Variants in ST3GAL4 observed in about 807,000 individuals in gnomAD.
ST3GAL4 encodes ST3 beta-galactoside alpha-2,3-sialyltransferase 4, also known as CMP-N-acetylneuraminate-beta-galactosamide-alpha-2,3-sialyltransferase 4.
In ST3GAL4, 24 loss-of-function variants were observed where a neutral mutation model predicts 42.6. The observed-to-expected ratio is 0.56, with a 90% CI of 0.41 to 0.79. The LOEUF (loss-of-function observed/expected upper bound fraction) is 0.79, where lower values mean the gene tolerates loss of function less well. ST3GAL4 is among the 30% of genes least tolerant of loss of function. The pLI, the probability that ST3GAL4 is intolerant of heterozygous loss-of-function variation, is 0.00. For synonymous variants in ST3GAL4, 135 were observed against 163.2 expected, an observed-to-expected ratio of 0.83 and a Z score of 1.32; for missense variants, 311 against 430.8, an observed-to-expected ratio of 0.72 and a Z score of 2.46.
At chr11:126,370,708 G>C (rs1397877775) in intron 1 of ST3GAL4, among the ~76,000 whole-genome samples, 1 of 146,848 alleles carries the variant, frequency 6.8e-6, no homozygotes, top group Non-Finnish European at 1.5e-5. Flanking sequence ...ATGGAGACTC[G>C]CTCTGTCACC....
chr11:126,408,304 C>T lies in ST3GAL4; in HGVS notation c.438-3C>T, dbSNP rs1954357430. 6.2e-7 allele frequency: 1 copy of T among 1,613,740 alleles called. No individual in the cohort carries two copies. Among genetic ancestry groups the T allele is most frequent in the African/African-American group, 1.3e-5 (1 of 74,928 alleles). ...TGATGGGAATCCTCCTCCCAACCCC[C>T]AGATTGAACAATGCCCCAGTGGCTG... On this transcript the variant is annotated splice_region_variant and splice_polypyrimidine_tract_variant and intron_variant, in intron 7 of 10. Transcript: ENST00000444328.
rs1204937928 is a variant in ST3GAL4 at position 126,373,457 on chromosome 11, T to G, written c.-61+17615T>G. Among the ~76,000 whole-genome samples, 1 of 152,188 alleles carries G rather than the reference T, an allele frequency of 6.6e-6. No individual in the cohort carries two copies. Among genetic ancestry groups the G allele is most frequent in the Non-Finnish European group, 1.5e-5 (1 of 68,036 alleles). On this transcript the variant is annotated intron_variant, in intron 1 of 10. Transcript: ENST00000444328. This position sits in a 1 kb window ranked among gnomAD's most constrained non-coding sequence, Gnocchi z 5.5. ...CCTCCTCACACTGGCTTCAGCTTTC[T>G]CACCCTCAGAATGGAATTCAAAGCC...
At chr11:126,405,945 T>G in intron 1 of ST3GAL4, 151 bp from the exon 2 acceptor site, 16 of 906,118 alleles carry the variant, frequency 1.8e-5, no homozygotes, top group Non-Finnish European at 2.5e-5. Flanking sequence ...GGATCCTGGA[T>G]GAGAAAACTC....
Position 126,365,715 on chromosome 11 carries a change from T to C in ST3GAL4, c.-61+9873T>C, listed in dbSNP as rs192055517. On this transcript the variant is annotated intron_variant, in intron 1 of 10. Coordinates refer to ENST00000444328, the MANE Select transcript of ST3GAL4 (RefSeq NM_001254757.2). ...AGCCCAGAAAGTGTGAGCAGGCTGG[T>C]GGGGCAGCTGGAGGAAGGCCTTGCA... Among the ~76,000 whole-genome samples, 1,306 of 152,182 alleles carry C rather than the reference T, an allele frequency of 8.6e-3. 21 individuals are homozygous for C. The highest frequency in any genetic ancestry group is 0.026 in the African/African-American group (1,089 of 41,480).
chr11:126,404,965 T>C (rs1229092066), intron 1 of ST3GAL4, among the ~76,000 whole-genome samples: 4 of 152,196 alleles, frequency 2.6e-5, no homozygotes, highest in Non-Finnish European at 5.9e-5. Flanking sequence ...TATGAAAACA[T>C]GGAAAGTTTC....
intron 9 of ST3GAL4, 174 bp from the exon 10 acceptor site, chr11:126,413,331 T>C: frequency 1.7e-6 from 1 of 592,846 alleles, no homozygotes; most frequent in South Asian, 3.0e-5. Context: ...TAAATTCAGT[T>C]CCTCAGCTGC....
chr11:126,408,543 C>T (rs1398754576), intron 8 of ST3GAL4, 47 bp downstream of exon 8: 1 of 1,601,946 alleles, frequency 6.2e-7, no homozygotes, highest in East Asian at 2.2e-5. Context: ...GGTGGGGACG[C>T]TGCCCGAGTC....
chr11:126,389,106 C>T (rs2135473978), intron 1 of ST3GAL4, among the ~76,000 whole-genome samples: 1 of 152,248 alleles, frequency 6.6e-6, no homozygotes, highest in Admixed American at 6.5e-5. Flanking sequence ...TTTCATTTGT[C>T]TTCTCTCTAC....
At position 126,384,512 on chromosome 11, in the gene ST3GAL4, C is replaced by T. The variant is rs576474889; in HGVS notation, c.-60-21584C>T. On this transcript the variant is annotated intron_variant, in intron 1 of 10. Coordinates refer to ENST00000444328, the MANE Select transcript of ST3GAL4 (RefSeq NM_001254757.2). This position sits in a 1 kb window ranked among gnomAD's most constrained non-coding sequence, Gnocchi z 5.5. ...GGAAGTGGACTCTGCTCAGGTGTGGCGGGCCTGCCTGTGGGGTCACCATGG... is the reference window on the plus strand; with the variant it reads ...GGAAGTGGACTCTGCTCAGGTGTGGTGGGCCTGCCTGTGGGGTCACCATGG... Among the ~76,000 whole-genome samples the T allele has an allele frequency of 3.0e-3, 460 of 152,168 alleles. 6 individuals are homozygous for T. Among genetic ancestry groups the T allele is most frequent in the Admixed American group, 9.8e-4 (15 of 15,278 alleles).
In ST3GAL4 at chr11:126,373,017, G is replaced by T. The variant is rs3862628; in HGVS notation, c.-61+17175G>T. Among the ~76,000 whole-genome samples the T allele has an allele frequency of 1.3e-5, 2 of 152,024 alleles. No individual in the cohort carries two copies. The highest frequency in any genetic ancestry group is 1.5e-5 in the Non-Finnish European group (1 of 67,992). ...CTTCCATGTTTTTTCTCATTGTTTC[G>T]TGGGAATACTGATATTATATATTCA... On this transcript the variant is annotated intron_variant, in intron 1 of 10. Transcript: ENST00000444328. The surrounding 1 kb of genome is among the most constrained non-coding windows in gnomAD (Gnocchi z 5.5).
At position 126,386,837 on chromosome 11, in the gene ST3GAL4, T is replaced by A. The variant is rs1000612225; in HGVS notation, c.-60-19259T>A. On this transcript the variant is annotated intron_variant, in intron 1 of 10. Coordinates refer to ENST00000444328, the MANE Select transcript of ST3GAL4 (RefSeq NM_001254757.2). The surrounding 1 kb of genome is among the most constrained non-coding windows in gnomAD (Gnocchi z 4.7). The stretch of plus-strand genomic sequence containing the variant: ...GAGGAGAGGAGGAAGTTAGCTGCTC[T>A]GAATGGTGTTGCTGCTAATCTCTAC... Among the ~76,000 whole-genome samples the A allele has an allele frequency of 2.0e-5, 3 of 152,196 alleles. No homozygotes were observed. Among genetic ancestry groups the A allele is most frequent in the Non-Finnish European group, 4.4e-5 (3 of 68,030 alleles).
chr11:126,358,228 C>T (rs2135362079), intron 1 of ST3GAL4, among the ~76,000 whole-genome samples: 1 of 152,382 alleles, frequency 6.6e-6, no homozygotes, highest in South Asian at 2.1e-4. Flanking sequence ...TGGACGTTTC[C>T]CTGCAACAGG....
intron 1 of ST3GAL4, among the ~76,000 whole-genome samples, chr11:126,375,758 A>G (rs936097421): frequency 6.6e-6 from 1 of 152,116 alleles, no homozygotes; most frequent in African/African-American, 2.4e-5. Flanking sequence ...GGTAGAGGCC[A>G]GAGATGCTGC....
intron 1 of ST3GAL4, among the ~76,000 whole-genome samples, chr11:126,401,306 G>A (rs550509423): frequency 1.3e-5 from 2 of 151,838 alleles, no homozygotes; most frequent in South Asian, 2.1e-4. Context: ...GGTGGCTCAC[G>A]CCTGTAATCC....
chr11:126,355,995 C>T lies in ST3GAL4; in HGVS notation c.-61+153C>T, dbSNP rs1952047830. ...GCAGCGCGGGTCGGGGTGGGGCTGC[C>T]ACAGCCCTGCGGAGCTGCTTTCCGG... On this transcript the variant is annotated intron_variant, in intron 1 of 10. Transcript: ENST00000444328. The surrounding 1 kb of genome is among the most constrained non-coding windows in gnomAD (Gnocchi z 7.1). The T allele has an allele frequency of 6.6e-6, 1 of 152,082 alleles. No individual in the cohort carries two copies. The highest frequency in any genetic ancestry group is 2.1e-4 in the South Asian group (1 of 4,840). The allele number at this position is 152,082 out of a possible 1,614,324, so 9.4% of individuals were successfully genotyped here.
In ST3GAL4 at chr11:126,373,163, G is replaced by A. The variant is rs575880376; in HGVS notation, c.-61+17321G>A. Among the ~76,000 whole-genome samples, 1 of 152,300 alleles carries A rather than the reference G, an allele frequency of 6.6e-6. No individual in the cohort carries two copies. Among genetic ancestry groups the A allele is most frequent in the East Asian group, 1.9e-4 (1 of 5,192 alleles). ...TTTGAAAGGGTCTGTTCTGGAGAGG[G>A]GGTGCTGCTCTGGAGAGGCGGTGCT... On this transcript the variant is annotated intron_variant, in intron 1 of 10. Transcript: ENST00000444328. The surrounding 1 kb of genome is among the most constrained non-coding windows in gnomAD (Gnocchi z 5.5).
At chr11:126,365,885 G>T (rs1260084248) in intron 1 of ST3GAL4, among the ~76,000 whole-genome samples, 1 of 152,180 alleles carries the variant, frequency 6.6e-6, no homozygotes, top group African/African-American at 2.4e-5. Flanking sequence ...CCTCCATGGG[G>T]CAGCAGGCTC....
At chr11:126,362,193 CTTTTT>C (rs763280766) in intron 1 of ST3GAL4, among the ~76,000 whole-genome samples, 5 of 119,092 alleles carry the variant, frequency 4.2e-5, no homozygotes, top group Non-Finnish European at 8.6e-5. Context: ...ACATTTCTTC[CTTTTT>C]TTTTTTTTTT....
chr11:126,355,756 C>T lies in ST3GAL4; in HGVS notation c.-147C>T, dbSNP rs1453990346. 1 of 151,682 alleles carries T rather than the reference C, an allele frequency of 6.6e-6. No homozygotes were observed. The highest frequency in any genetic ancestry group is 1.5e-5 in the Non-Finnish European group (1 of 67,802). The allele number at this position is 151,682 out of a possible 1,614,324, so 9.4% of individuals were successfully genotyped here. A position where few individuals can be genotyped will look rare whatever the true frequency, so the allele number is the denominator to read the frequency against. On this transcript the variant is annotated 5_prime_UTR_variant, in exon 1 of 11. Coordinates refer to ENST00000444328, the MANE Select transcript of ST3GAL4 (RefSeq NM_001254757.2). This position sits in a 1 kb window ranked among gnomAD's most constrained non-coding sequence, Gnocchi z 7.1. ...GGGACCCGGCCGAGTCGAGCCGTCG[C>T]GCCAGCGCTGCGCCGCCGGTCGGTG...
Sources: allele counts gnomAD v4.1 joint callset (sites outside exome capture counted in the v4.1 genomes callset), GRCh38; gene constraint gnomAD v4.1.1; non-coding constraint Gnocchi (gnomAD v3.1); transcripts MANE v1.5; gene names NCBI Gene and HGNC (gene_info 2026-07-23, HGNC 2026-07-21).